EXOC6B: variants seen among roughly 807,000 people sequenced by gnomAD.
The protein encoded by EXOC6B is SEC15 homolog B.
In EXOC6B, 54 loss-of-function variants were observed where a neutral mutation model predicts 113.5. The observed-to-expected ratio is 0.48, with a 90% CI of 0.38 to 0.60. EXOC6B has a LOEUF of 0.60. Ranked by LOEUF, EXOC6B falls within the 20% of genes least tolerant of loss-of-function variation. The pLI, the probability that EXOC6B is intolerant of heterozygous loss-of-function variation, is 0.00. For missense variants in EXOC6B, 797 were observed against 977.5 expected (o/e 0.82, Z 2.46); for synonymous variants, 357 against 339.0 (o/e 1.05, Z -0.58).
chr2:72,670,143 T>C (rs1675690193), intron 6 of EXOC6B, among the ~76,000 whole-genome samples: 1 of 152,212 alleles, frequency 6.6e-6, no homozygotes, highest in Non-Finnish European at 1.5e-5. Context: ...GTTTGTACTT[T>C]AGCACACAAG....
chr2:72,647,212 A>C (rs1026410907), intron 6 of EXOC6B, among the ~76,000 whole-genome samples: 5 of 152,132 alleles, frequency 3.3e-5, no homozygotes, highest in African/African-American at 1.2e-4. Flanking sequence ...TAGGAATCCA[A>C]CTTACAAGGG....
At chr2:72,501,033 G>A (rs1700294017) in intron 11 of EXOC6B, among the ~76,000 whole-genome samples, 1 of 151,982 alleles carries the variant, frequency 6.6e-6, no homozygotes, top group African/African-American at 2.4e-5. Flanking sequence ...TATTTTCCTT[G>A]TAGAATACCA....
At chr2:72,352,953 T>G (rs1313659239) in intron 19 of EXOC6B, among the ~76,000 whole-genome samples, 1 of 151,974 alleles carries the variant, frequency 6.6e-6, no homozygotes, top group Non-Finnish European at 1.5e-5. Context: ...CAACATGAAG[T>G]GAGGGCCAAA....
chr2:72,584,291 T>C (rs374045410), intron 6 of EXOC6B, among the ~76,000 whole-genome samples: 3 of 150,718 alleles, frequency 2.0e-5, no homozygotes, highest in Non-Finnish European at 2.9e-5. Flanking sequence ...ATGACACCCA[T>C]TGGCTCAAGG....
intron 20 of EXOC6B, among the ~76,000 whole-genome samples, chr2:72,308,437 A>C (rs1687013195): frequency 6.6e-6 from 1 of 152,224 alleles, no homozygotes; most frequent in Non-Finnish European, 1.5e-5. Context: ...AAGTAATGGA[A>C]TGGATAAGAA....
At chr2:72,400,005 A>C (rs1208758814) in intron 18 of EXOC6B, among the ~76,000 whole-genome samples, 1 of 152,192 alleles carries the variant, frequency 6.6e-6, no homozygotes, top group Non-Finnish European at 1.5e-5. Context: ...ACAAAACTGA[A>C]GGAAACACAT....
Position 72,683,719 on chromosome 2 carries a change from G to A in EXOC6B, c.669+34384C>T, listed in dbSNP as rs143089445. Among the ~76,000 whole-genome samples the A allele has an allele frequency of 4.7e-3, 723 of 152,236 alleles. 5 individuals are homozygous for A. Among genetic ancestry groups the A allele is most frequent in the Non-Finnish European group, 7.7e-3 (522 of 68,004 alleles). ...AATAAAGATGTTTTCAAATGTGGGG[G>A]AAGTCAAGTAAATTGACCTTTCTAA... On this transcript the variant is annotated intron_variant, in intron 6 of 21. Coordinates refer to ENST00000272427, the MANE Select transcript of EXOC6B (RefSeq NM_015189.3).
intron 20 of EXOC6B, among the ~76,000 whole-genome samples, chr2:72,267,454 T>C (rs1343108028): frequency 6.6e-6 from 1 of 151,968 alleles, no homozygotes; most frequent in Non-Finnish European, 1.5e-5. Context: ...TTATCGAGAG[T>C]TTTTAGCATG....
chr2:72,237,422 G>C (rs1249305131), intron 20 of EXOC6B, among the ~76,000 whole-genome samples: 1 of 152,100 alleles, frequency 6.6e-6, no homozygotes, highest in Non-Finnish European at 1.5e-5. Context: ...TTTAATAGAA[G>C]AGGGCAAATA....
At chr2:72,598,546 T>C (rs1363415694) in intron 6 of EXOC6B, among the ~76,000 whole-genome samples, 7 of 151,784 alleles carry the variant, frequency 4.6e-5, no homozygotes, top group Non-Finnish European at 8.8e-5. Flanking sequence ...ATAATTAACA[T>C]TGGAGTAGGA....
chr2:72,543,855 A>T (rs973946470), intron 8 of EXOC6B, among the ~76,000 whole-genome samples: 31 of 152,180 alleles, frequency 2.0e-4, no homozygotes, highest in Non-Finnish European at 3.7e-4. Flanking sequence ...ATGGCAGGAG[A>T]CTGATCAGAC....
chr2:72,473,780 G>T (rs1698552929), intron 17 of EXOC6B, among the ~76,000 whole-genome samples: 1 of 151,888 alleles, frequency 6.6e-6, no homozygotes, highest in Non-Finnish European at 1.5e-5. Flanking sequence ...TGTTACTGCG[G>T]TTTGGTGGTT....
intron 20 of EXOC6B, among the ~76,000 whole-genome samples, chr2:72,287,684 A>G (rs1685530470): frequency 6.6e-6 from 1 of 152,028 alleles, no homozygotes; most frequent in Non-Finnish European, 1.5e-5. Flanking sequence ...ATGCCAACAG[A>G]TTTGGAAATT....
intron 19 of EXOC6B, among the ~76,000 whole-genome samples, chr2:72,348,814 G>T (rs895503833): frequency 6.6e-6 from 1 of 152,116 alleles, no homozygotes; most frequent in Non-Finnish European, 1.5e-5. Context: ...CAAGGTGGAG[G>T]TATGGCATAC....
chr2:72,229,686 T>TATAG (rs1681480550), intron 20 of EXOC6B, among the ~76,000 whole-genome samples: 1 of 152,216 alleles, frequency 6.6e-6, no homozygotes, highest in Non-Finnish European at 1.5e-5. Context: ...AAATGTTTAT[T>TATAG]ATAGAGTCAC....
At position 72,183,833 on chromosome 2, in the gene EXOC6B, G is replaced by A. The variant is rs1678245952; in HGVS notation, c.2309+242C>T. On this transcript the variant is annotated intron_variant, in intron 21 of 21. Coordinates refer to ENST00000272427, the MANE Select transcript of EXOC6B (RefSeq NM_015189.3). The stretch of plus-strand genomic sequence containing the variant: ...CCCATTAAACTAGAAGGTAATGTCA[G>A]AATCCAATTCTGATCCATACTTGGC... Among the ~76,000 whole-genome samples the A allele has an allele frequency of 2.6e-5, 4 of 152,126 alleles. 1 individual carries two copies. The South Asian group carries it at 8.3e-4, about 32-fold the overall frequency.
chr2:72,408,555 A>G (rs1693947212), intron 18 of EXOC6B, among the ~76,000 whole-genome samples: 2 of 152,166 alleles, frequency 1.3e-5, no homozygotes, highest in African/African-American at 4.8e-5. Context: ...CCTCAGAAAT[A>G]ATGCCGCATA....
chr2:72,687,936 C>T (rs968979198), intron 6 of EXOC6B, among the ~76,000 whole-genome samples: 2 of 152,108 alleles, frequency 1.3e-5, no homozygotes, highest in Non-Finnish European at 2.9e-5. Context: ...CCACCACACA[C>T]AGACATCTTA....
chr2:72,539,037 T>C (rs1382705749), intron 8 of EXOC6B, among the ~76,000 whole-genome samples: 1 of 152,154 alleles, frequency 6.6e-6, no homozygotes, highest in Non-Finnish European at 1.5e-5. Context: ...GTACCATTTT[T>C]TGATCAATGG....
Sources: gnomAD v4.1 joint callset for allele counts (sites outside exome capture counted in the v4.1 genomes callset) on GRCh38, gnomAD v4.1.1 for gene constraint, MANE v1.5 for transcripts, NCBI Gene and HGNC (gene_info 2026-07-23, HGNC 2026-07-21) for gene names.